Variants in WWTR1 observed in about 807,000 individuals in gnomAD.
WWTR1 encodes WW domain containing transcription regulator 1.
WWTR1 carries 13 observed loss-of-function variants against 40.1 expected under a neutral mutation model. The observed-to-expected ratio is 0.32, with a 90% CI of 0.21 to 0.52. WWTR1 has a LOEUF of 0.52. WWTR1 is among the 20% of genes least tolerant of loss of function. WWTR1 has a pLI of 0.97. For missense variants in WWTR1, 436 were observed against 523.1 expected (o/e 0.83, Z 1.63); for synonymous variants, 230 against 210.1 (o/e 1.09, Z -0.82).
At chr3:149,638,563 G>T (rs1379363562) in intron 2 of WWTR1, among the ~76,000 whole-genome samples, 1 of 151,814 alleles carries the variant, frequency 6.6e-6, no homozygotes. Flanking sequence ...TCTTGTCTCT[G>T]CGTGTGCTTC....
intron 4 of WWTR1, among the ~76,000 whole-genome samples, chr3:149,541,700 A>G (rs1000414413): frequency 2.0e-5 from 3 of 151,540 alleles, no homozygotes; most frequent in African/African-American, 7.3e-5. Flanking sequence ...GGCAACTTCT[A>G]CTTCCTGTCT....
At chr3:149,542,714 C>T (rs1013472738) in intron 3 of WWTR1, among the ~76,000 whole-genome samples, 177 bp from the exon 4 acceptor site, 5 of 152,128 alleles carry the variant, frequency 3.3e-5, no homozygotes, top group Non-Finnish European at 4.4e-5. Context: ...CACGGAGGCT[C>T]GAATACTGGC....
chr3:149,619,529 G>A (rs1401815398), intron 2 of WWTR1, among the ~76,000 whole-genome samples: 4 of 152,050 alleles, frequency 2.6e-5, no homozygotes, highest in African/African-American at 4.8e-5. Flanking sequence ...AGGCTGAGGC[G>A]GGAGTATCAC....
chr3:149,559,293 C>CAAAAAAAAAAAAAAAAAAAGAAAA (rs1736983343), intron 3 of WWTR1, among the ~76,000 whole-genome samples: 1 of 58,106 alleles, frequency 1.7e-5, no homozygotes, highest in Non-Finnish European at 3.4e-5. Context: ...GACTCCATCT[C>CAAAAAAAAAAAAAAAAAAAGAAAA]AAAAAAAAAA....
rs72997941 is a variant in WWTR1, at chr3:149,580,544, A to G, written c.432-7544T>C. On this transcript the variant is annotated intron_variant, in intron 2 of 6. Transcript: ENST00000360632. ...AGAAGCCCCATCGCAGTGGATGCTC[A>G]GCTCACCACCCACATCTAAACTAGC... 4.3e-3 allele frequency among the ~76,000 whole-genome samples: 657 copies of G among 152,318 alleles called. 2 individuals carry two copies. Among genetic ancestry groups the G allele is most frequent in the African/African-American group, 0.015 (640 of 41,572 alleles).
intron 1 of WWTR1, among the ~76,000 whole-genome samples, chr3:149,682,269 CTTA>C (rs900484740): frequency 1.3e-5 from 2 of 152,144 alleles, no homozygotes; most frequent in South Asian, 2.1e-4. Flanking sequence ...CATAGAGACA[CTTA>C]TTAGTTTTAA....
Position 149,549,626 on chromosome 3 carries a change from C to G in WWTR1, c.569-7089G>C, listed in dbSNP as rs147900503. Among the ~76,000 whole-genome samples the G allele has an allele frequency of 1.4e-3, 215 of 152,184 alleles. 1 individual carries two copies. The highest frequency in any genetic ancestry group is 4.1e-3 in the South Asian group (20 of 4,824). Reference sequence around the variant, plus strand: ...GCCGAGGCAGGAGAATCACTGGAAGCCAGGAGTTCAAGACCAACCTAGGCA... The same window carrying G: ...GCCGAGGCAGGAGAATCACTGGAAGGCAGGAGTTCAAGACCAACCTAGGCA... On this transcript the variant is annotated intron_variant, in intron 3 of 6. Coordinates refer to ENST00000360632, the MANE Select transcript of WWTR1 (RefSeq NM_015472.6).
intron 2 of WWTR1, among the ~76,000 whole-genome samples, chr3:149,626,106 A>G (rs1452845372): frequency 2.6e-5 from 4 of 152,236 alleles, no homozygotes; most frequent in Non-Finnish European, 4.4e-5. Context: ...TGCAGGCGCC[A>G]GGAAACAAAA....
chr3:149,589,520 T>C (rs997346135), intron 2 of WWTR1, among the ~76,000 whole-genome samples: 1 of 152,178 alleles, frequency 6.6e-6, no homozygotes, highest in Non-Finnish European at 1.5e-5. Context: ...TCAGACTCTT[T>C]ACGCAATCCT....
At chr3:149,578,780 A>T (rs6440626) in intron 2 of WWTR1, among the ~76,000 whole-genome samples, 91,447 of 151,856 alleles carry the variant, frequency 0.6, 28,250 homozygotes, top group East Asian at 0.79. Flanking sequence ...CTCGGGAGGC[A>T]GAGGCAAGAG....
intron 5 of WWTR1, among the ~76,000 whole-genome samples, chr3:149,526,835 A>G (rs1560044258): frequency 6.6e-6 from 1 of 152,266 alleles, no homozygotes; most frequent in Non-Finnish European, 1.5e-5. Flanking sequence ...AATAAAAGGC[A>G]CAGGAAATAC....
intron 4 of WWTR1, among the ~76,000 whole-genome samples, chr3:149,720,361 T>C (rs1273552198): frequency 1.3e-5 from 2 of 152,282 alleles, no homozygotes; most frequent in East Asian, 3.9e-4. Context: ...CTCAGCACCA[T>C]TTGTTGAAAA....
intron 4 of WWTR1, among the ~76,000 whole-genome samples, chr3:149,721,339 T>C (rs567722431): frequency 6.6e-6 from 1 of 152,366 alleles, no homozygotes; most frequent in South Asian, 2.1e-4. Flanking sequence ...CAAATGCTTT[T>C]TCTGCACCAC....
At chr3:149,708,605 A>C (rs1017186721) in intron 5 of WWTR1, among the ~76,000 whole-genome samples, 33 of 152,338 alleles carry the variant, frequency 2.2e-4, no homozygotes, top group African/African-American at 7.7e-4. Context: ...ACTTCACTTA[A>C]TATGTCCTCA....
intron 2 of WWTR1, among the ~76,000 whole-genome samples, chr3:149,605,199 G>A (rs561197782): frequency 3.9e-4 from 60 of 152,168 alleles, no homozygotes; most frequent in Non-Finnish European, 7.3e-4. Context: ...AATGCCAAAC[G>A]AGGAGCTTCA....
At chr3:149,589,731 T>C (rs2108027421) in intron 2 of WWTR1, among the ~76,000 whole-genome samples, 1 of 151,940 alleles carries the variant, frequency 6.6e-6, no homozygotes, top group East Asian at 1.9e-4. Flanking sequence ...ATGGACTAAA[T>C]GCAGAAGGCC....
chr3:149,681,431 T>C (rs1031082337), intron 1 of WWTR1, among the ~76,000 whole-genome samples: 2 of 152,240 alleles, frequency 1.3e-5, no homozygotes, highest in African/African-American at 2.4e-5. Flanking sequence ...TGATGATTAG[T>C]GGAATTGAAC....
At chr3:149,611,718 A>G (rs1015770800) in intron 2 of WWTR1, among the ~76,000 whole-genome samples, 2 of 152,200 alleles carry the variant, frequency 1.3e-5, no homozygotes, top group African/African-American at 2.4e-5. Context: ...AAAGTGGCTA[A>G]TGATACCTAC....
At chr3:149,544,560 T>TC (rs1218920518) in intron 3 of WWTR1, among the ~76,000 whole-genome samples, 6 of 152,082 alleles carry the variant, frequency 3.9e-5, no homozygotes, top group Admixed American at 3.9e-4. Context: ...ATCTAGTCCA[T>TC]CCCCTTATTT....
Sources: gnomAD v4.1 joint callset for allele counts (sites outside exome capture counted in the v4.1 genomes callset) on GRCh38, gnomAD v4.1.1 for gene constraint, MANE v1.5 for transcripts, NCBI Gene and HGNC (gene_info 2026-07-23, HGNC 2026-07-21) for gene names.